Variants in SEZ6L observed in about 807,000 individuals in gnomAD.
SEZ6L encodes the protein seizure 6-like protein.
SEZ6L carries 37 observed loss-of-function variants against 106.2 expected under a neutral mutation model. That is an observed-to-expected ratio of 0.35 (90% confidence interval 0.27 to 0.46). The LOEUF is 0.46. Ranked by LOEUF, SEZ6L falls within the 20% of genes least tolerant of loss-of-function variation. The pLI, the probability that SEZ6L is intolerant of heterozygous loss-of-function variation, is 1.00. For synonymous variants in SEZ6L, 541 were observed against 570.4 expected (o/e 0.95, Z 0.73); for missense variants, 1,172 against 1,332.8 (o/e 0.88, Z 1.88).
intron 1 of SEZ6L, among the ~76,000 whole-genome samples, chr22:26,254,616 T>C (rs2145802260): frequency 6.6e-6 from 1 of 152,270 alleles, no homozygotes; most frequent in Admixed American, 6.5e-5. Flanking sequence ...AGATCCTGTC[T>C]TTAAAAATAA....
At chr22:26,305,131 G>A (rs2081592229) in intron 5 of SEZ6L, among the ~76,000 whole-genome samples, 1 of 152,140 alleles carries the variant, frequency 6.6e-6, no homozygotes, top group South Asian at 2.1e-4. Flanking sequence ...TGGGACCACT[G>A]CCATATATAC....
rs565461003 is a variant in SEZ6L at position 26,220,193 on chromosome 22, A to G, written c.94+50430A>G. On this transcript the variant is annotated intron_variant, in intron 1 of 16. Coordinates refer to ENST00000248933, the MANE Select transcript of SEZ6L (RefSeq NM_021115.5). ...CTGGGCCACAGATGCCACAGATGCC[A>G]TATCTGCAAAATGGACATCATCATA... 3.9e-5 allele frequency among the ~76,000 whole-genome samples: 6 copies of G among 152,310 alleles called. No homozygotes were observed. In the East Asian group the frequency reaches 1.2e-3, roughly 29 times the overall value.
At chr22:26,177,864 C>T (rs1162824468) in intron 1 of SEZ6L, among the ~76,000 whole-genome samples, 1 of 152,132 alleles carries the variant, frequency 6.6e-6, no homozygotes, top group Non-Finnish European at 1.5e-5. Flanking sequence ...CCTCAATCCT[C>T]TCCCTGATAT....
At chr22:26,350,527 C>G (rs2083240504) in intron 11 of SEZ6L, among the ~76,000 whole-genome samples, 3 of 152,052 alleles carry the variant, frequency 2.0e-5, no homozygotes, top group Admixed American at 2.0e-4. Context: ...CTACCGTGCC[C>G]CACCTCTTTG....
At chr22:26,282,454 A>T (rs1449926082) in intron 1 of SEZ6L, among the ~76,000 whole-genome samples, 3 of 152,198 alleles carry the variant, frequency 2.0e-5, no homozygotes, top group Non-Finnish European at 4.4e-5. Context: ...TTCTCAGGCC[A>T]TTGAACCCAG....
At chr22:26,317,040 A>T (rs909906011) in intron 9 of SEZ6L, among the ~76,000 whole-genome samples, 1 of 152,126 alleles carries the variant, frequency 6.6e-6, no homozygotes, top group Non-Finnish European at 1.5e-5. Context: ...AACATCTACA[A>T]AGCCTGGAAA....
At position 26,380,920 on chromosome 22, in the gene SEZ6L, C is replaced by A. The variant is rs2084392041; in HGVS notation, c.*625C>A. On this transcript the variant is annotated 3_prime_UTR_variant, in exon 17 of 17. Coordinates refer to ENST00000248933, the MANE Select transcript of SEZ6L (RefSeq NM_021115.5). The stretch of plus-strand genomic sequence containing the variant: ...CTTTTACCACTCTGGCCTCGCTGGA[C>A]AGTGACAAAACAAGAAAACGTTTTC... The A allele has an allele frequency of 1.3e-5, 2 of 152,200 alleles. No homozygotes were observed. Among genetic ancestry groups the A allele is most frequent in the South Asian group, 4.1e-4 (2 of 4,824 alleles). 9.4% of individuals were successfully genotyped at this position (152,200 alleles called of 1,614,324 possible). A position where few individuals can be genotyped will look rare whatever the true frequency, so the allele number is the denominator to read the frequency against.
intron 12 of SEZ6L, among the ~76,000 whole-genome samples, chr22:26,357,593 T>C (rs1017566648): frequency 1.1e-4 from 17 of 152,298 alleles, no homozygotes; most frequent in Admixed American, 7.2e-4. Flanking sequence ...GTTTATATGT[T>C]TGTAGAATCA....
chr22:26,321,520 C>T (rs945923667), intron 9 of SEZ6L, among the ~76,000 whole-genome samples: 4 of 152,200 alleles, frequency 2.6e-5, no homozygotes, highest in South Asian at 2.1e-4. Flanking sequence ...AGGCTCACGC[C>T]GACAAGCTTG....
chr22:26,246,719 GTAGCACTGCGC>G (rs1363437328), intron 1 of SEZ6L, among the ~76,000 whole-genome samples: 76 of 152,302 alleles, frequency 5.0e-4, no homozygotes, highest in African/African-American at 1.7e-3. Flanking sequence ...TGTTGAGTAC[GTAGCACTGCGC>G]CTGGAAATGT....
intron 6 of SEZ6L, among the ~76,000 whole-genome samples, chr22:26,307,478 T>TAAAA (rs34235682): frequency 1.4e-5 from 2 of 145,378 alleles, no homozygotes; most frequent in African/African-American, 2.5e-5. Flanking sequence ...TGGAAAGACT[T>TAAAA]AAAAAAAAAA....
intron 1 of SEZ6L, among the ~76,000 whole-genome samples, chr22:26,248,088 C>A (rs942491359): frequency 3.9e-5 from 6 of 152,162 alleles, no homozygotes; most frequent in Admixed American, 2.0e-4. Flanking sequence ...GATTGCAGGG[C>A]AGGGACAAGG....
chr22:26,360,632 T>C (rs1183204591), intron 12 of SEZ6L, among the ~76,000 whole-genome samples: 1 of 152,164 alleles, frequency 6.6e-6, no homozygotes, highest in Non-Finnish European at 1.5e-5. Context: ...GGGATTTGTG[T>C]TCTCTGAAGG....
intron 9 of SEZ6L, among the ~76,000 whole-genome samples, chr22:26,324,454 C>G (rs2082251061): frequency 6.6e-6 from 1 of 152,174 alleles, no homozygotes; most frequent in African/African-American, 2.4e-5. Context: ...TAAGTTAATT[C>G]CAAGCCCTAA....
intron 1 of SEZ6L, among the ~76,000 whole-genome samples, chr22:26,291,461 G>A (rs1452866937): frequency 1.4e-5 from 2 of 147,884 alleles, no homozygotes; most frequent in Admixed American, 1.3e-4. Flanking sequence ...TGGGGGAGGG[G>A]AGAGCATTAG....
Position 26,380,759 on chromosome 22 carries a change from AC to A in SEZ6L, c.*467del. On this transcript the variant is annotated 3_prime_UTR_variant, in exon 17 of 17. Transcript: ENST00000248933. The stretch of plus-strand genomic sequence containing the variant: ...GTTGGAATTTAGCATGGGTACTTAA[AC>A]CCATTTGGAGAGCTGTGCTCCTAAA... 6.4e-6 allele frequency: 1 copy of A among 155,656 alleles called. No individual in the cohort carries two copies. 9.6% of individuals were successfully genotyped at this position (155,656 alleles called of 1,614,324 possible).
chr22:26,364,997 C>T (rs1208278941), intron 12 of SEZ6L: 3 of 167,482 alleles, frequency 1.8e-5, no homozygotes, highest in African/African-American at 7.1e-5. Context: ...TTAAGCATTT[C>T]CTTACTTACC....
intron 16 of SEZ6L, 142 bp from the exon 17 acceptor site, chr22:26,380,124 G>A (rs2084366629): frequency 7.3e-6 from 5 of 680,978 alleles, no homozygotes; most frequent in Admixed American, 2.2e-5. Context: ...ATTGGCAAAA[G>A]CAAATCAGGG....
At chr22:26,275,802 A>G (rs1168147997) in intron 1 of SEZ6L, among the ~76,000 whole-genome samples, 3 of 152,164 alleles carry the variant, frequency 2.0e-5, no homozygotes, top group Non-Finnish European at 4.4e-5. Context: ...TGGGGCCACG[A>G]AGTGTCCTCC....
Sources: gnomAD v4.1 joint callset for allele counts (sites outside exome capture counted in the v4.1 genomes callset) on GRCh38, gnomAD v4.1.1 for gene constraint, MANE v1.5 for transcripts, NCBI Gene and HGNC (gene_info 2026-07-23, HGNC 2026-07-21) for gene names.